The following ADAM22 variants were observed in gnomAD, a reference collection of about 807,000 sequenced individuals.
ADAM22 encodes the protein ADAM metallopeptidase domain 22.
Under a neutral mutation model 144.6 loss-of-function variants are expected in ADAM22, and 65 were observed. The observed-to-expected ratio is 0.45, with a 90% CI of 0.37 to 0.55. ADAM22 has a LOEUF of 0.55. ADAM22 is among the 20% of genes least tolerant of loss of function. The pLI is 0.00. For synonymous variants in ADAM22, 391 were observed against 412.6 expected, an observed-to-expected ratio of 0.95 and a Z score of 0.63; for missense variants, 974 against 1,184.9, an observed-to-expected ratio of 0.82 and a Z score of 2.61.
chr7:88,169,740 C>A (rs567499445), intron 25 of ADAM22, among the ~76,000 whole-genome samples: 3 of 152,198 alleles, frequency 2.0e-5, no homozygotes, highest in Non-Finnish European at 4.4e-5. Flanking sequence ...TCTCCTCACA[C>A]CAGAAGCAAA....
At chr7:88,036,704 G>A (rs909768146) in intron 3 of ADAM22, among the ~76,000 whole-genome samples, 1 of 152,026 alleles carries the variant, frequency 6.6e-6, no homozygotes, top group African/African-American at 2.4e-5. Flanking sequence ...CAGTCTGTGA[G>A]AAAGTTGTGA....
chr7:88,097,620 TAAA>T (rs55678558), intron 4 of ADAM22, among the ~76,000 whole-genome samples: 5 of 141,338 alleles, frequency 3.5e-5, no homozygotes, highest in African/African-American at 2.6e-5. Context: ...TGTGTTTCCT[TAAA>T]AAAAAAAAAA....
At chr7:88,130,945 T>TATTTCTTTGGA (rs1831618980) in intron 10 of ADAM22, among the ~76,000 whole-genome samples, 1 of 152,160 alleles carries the variant, frequency 6.6e-6, no homozygotes, top group Non-Finnish European at 1.5e-5. Flanking sequence ...GAGTCTTCAT[T>TATTTCTTTGGA]GCTCCATTTT....
chr7:87,936,503 A>T (rs1841282625), intron 2 of ADAM22, among the ~76,000 whole-genome samples: 2 of 152,202 alleles, frequency 1.3e-5, no homozygotes, highest in Admixed American at 1.3e-4. Flanking sequence ...TATTATAAAA[A>T]ATTTCAAACA....
intron 24 of ADAM22, among the ~76,000 whole-genome samples, chr7:88,167,758 A>G (rs571014176): frequency 6.6e-6 from 1 of 152,304 alleles, no homozygotes; most frequent in South Asian, 2.1e-4. Context: ...TTAGTTGTCA[A>G]AATGGAGTGA....
In ADAM22 at chr7:88,200,456, A is replaced by G. The variant is rs1156747747; in HGVS notation, c.*3965A>G. On this transcript the variant is annotated 3_prime_UTR_variant, in exon 32 of 32. Transcript: ENST00000413139. The stretch of plus-strand genomic sequence containing the variant: ...AGCTGCCTGCACAGTCTGATAGGAC[A>G]CATCTGGCTGCTGCCACTGGATGCC... The G allele has an allele frequency of 6.6e-6, 1 of 152,238 alleles. No homozygotes were observed. The highest frequency in any genetic ancestry group is 6.5e-5 in the Admixed American group (1 of 15,288). 9.4% of individuals were successfully genotyped at this position (152,238 alleles called of 1,614,324 possible). A position where few individuals can be genotyped will look rare whatever the true frequency, so the allele number is the denominator to read the frequency against.
chr7:88,133,540 A>T (rs966702413), intron 12 of ADAM22, among the ~76,000 whole-genome samples: 8 of 152,112 alleles, frequency 5.3e-5, no homozygotes, highest in Non-Finnish European at 1.2e-4. Context: ...CTACTTACAG[A>T]TTAAATTGAG....
At chr7:87,977,393 C>T (rs1852153679) in intron 2 of ADAM22, among the ~76,000 whole-genome samples, 1 of 152,190 alleles carries the variant, frequency 6.6e-6, no homozygotes, top group Middle Eastern at 3.2e-3. Flanking sequence ...CTGTTGGCCT[C>T]ACATACTATG....
At chr7:87,985,018 T>A (rs911203810) in intron 3 of ADAM22, among the ~76,000 whole-genome samples, 5 of 151,288 alleles carry the variant, frequency 3.3e-5, no homozygotes, top group African/African-American at 9.7e-5. Context: ...TTTTTTTTTT[T>A]AAAGAATTTT....
chr7:88,051,081 G>A (rs1806202367), intron 3 of ADAM22, among the ~76,000 whole-genome samples: 1 of 152,134 alleles, frequency 6.6e-6, no homozygotes, highest in South Asian at 2.1e-4. Flanking sequence ...TGGAGAAATA[G>A]GAACACTTTT....
At chr7:88,186,803 C>A in intron 30 of ADAM22, 102 bp downstream of exon 30, 1 of 728,972 alleles carries the variant, frequency 1.4e-6, no homozygotes, top group Non-Finnish European at 2.3e-6. Flanking sequence ...AATACAAGTT[C>A]CTATAGGTGG....
intron 12 of ADAM22, among the ~76,000 whole-genome samples, chr7:88,134,109 A>T (rs1832462642): frequency 6.6e-6 from 1 of 152,182 alleles, no homozygotes; most frequent in East Asian, 1.9e-4. Context: ...TTATTTCCTG[A>T]CTTCTAGTAT....
chr7:87,955,931 C>A (rs1846593958), intron 2 of ADAM22, among the ~76,000 whole-genome samples: 1 of 152,204 alleles, frequency 6.6e-6, no homozygotes, highest in African/African-American at 2.4e-5. Context: ...CCCTCTGAGC[C>A]AGGTGCGGGA....
chr7:88,181,709 C>G (rs1847071797), intron 28 of ADAM22, 104 bp downstream of exon 28: 2 of 1,012,568 alleles, frequency 2.0e-6, no homozygotes, highest in South Asian at 3.2e-5. Context: ...TTTAGCTCTT[C>G]TCCCAACAGA....
Position 88,151,031 on chromosome 7 carries a change from G to A in ADAM22, c.1617G>A (p.Gln539=), listed in dbSNP as rs76076875. 1,591 of 1,613,316 alleles carry A rather than the reference G, an allele frequency of 9.9e-4. 17 individuals carry two copies. In the African/African-American group the frequency reaches 0.019, roughly 19 times the overall value. Residue 539 remains glutamine, a splice_region_variant and synonymous_variant, in exon 19 of 32, where the codon CAG becomes CAA. Coordinates refer to ENST00000413139, the MANE Select transcript of ADAM22 (RefSeq NM_001324418.2). ...ATGGATATTCATGTGATGGTGTTCA[G>A]GTAGGTCACTTCATTTTTACCTATG... ...KMDGYSCDGV[Q]GICFGGRCKT... is the part of the protein sequence containing the mutation.
chr7:88,037,675 C>G (rs1243233731), intron 3 of ADAM22, among the ~76,000 whole-genome samples: 1 of 151,652 alleles, frequency 6.6e-6, no homozygotes, highest in East Asian at 1.9e-4. Context: ...ACCTTTAAAC[C>G]CTGCTGTGGT....
chr7:88,143,165 C>A, intron 15 of ADAM22, 40 bp downstream of exon 15: 1 of 1,316,086 alleles, frequency 7.6e-7, no homozygotes, highest in South Asian at 1.3e-5. Flanking sequence ...TATTAATTAT[C>A]AACCTTTCTA....
intron 30 of ADAM22, 48 bp downstream of exon 30, chr7:88,186,749 A>G (rs1273815567): frequency 1.7e-6 from 2 of 1,158,966 alleles, no homozygotes; most frequent in Non-Finnish European, 1.3e-6. Context: ...CTCCCAGCAC[A>G]TACAAATACT....
chr7:88,151,228 G>A lies in ADAM22; in HGVS notation c.1618-29G>A, dbSNP rs773644261. 1.9e-5 allele frequency: 30 copies of A among 1,613,326 alleles called. No homozygotes were observed. The African/African-American group carries it at 2.5e-4, about 14-fold the overall frequency. ...ATCTGACATAAGCAGATATTGCATC[G>A]CTAATGGGTATTTGCTTTTCCGTTT... On this transcript the variant is annotated intron_variant, in intron 19 of 31. Transcript: ENST00000413139.
Sources: gnomAD v4.1 joint callset for allele counts (sites outside exome capture counted in the v4.1 genomes callset) on GRCh38, gnomAD v4.1.1 for gene constraint, MANE v1.5 for transcripts, NCBI Gene and HGNC (gene_info 2026-07-23, HGNC 2026-07-21) for gene names.